The following TRIM36 variants were observed in gnomAD, a reference collection of about 807,000 sequenced individuals.
TRIM36 encodes the protein E3 ubiquitin-protein ligase TRIM36.
Under a neutral mutation model 72.4 loss-of-function variants are expected in TRIM36, and 42 were observed. The observed-to-expected ratio is 0.58, with a 90% CI of 0.45 to 0.75. TRIM36 has a LOEUF of 0.75. Among genes scored for constraint, TRIM36 ranks in the 30% least tolerant of loss-of-function variants. TRIM36 has a pLI of 0.00. For missense variants in TRIM36, 913 were observed against 857.1 expected, an observed-to-expected ratio of 1.07 and a Z score of -0.81; for synonymous variants, 315 against 282.8, an observed-to-expected ratio of 1.11 and a Z score of -1.14.
At chr5:115,155,844 G>T (rs78354666) in intron 2 of TRIM36, among the ~76,000 whole-genome samples, 1 of 152,032 alleles carries the variant, frequency 6.6e-6, no homozygotes, top group Non-Finnish European at 1.5e-5. Flanking sequence ...CAACCAAATC[G>T]GTAAAAAGGA....
chr5:115,178,924 A>G lies in TRIM36; in HGVS notation c.63+1051T>C, dbSNP rs139200554. ...GGGCATGAATCTAAAACTACTCCATATGCTATATCTGCGGCGTTGGAGTTA... is the reference window on the plus strand; with the variant it reads ...GGGCATGAATCTAAAACTACTCCATGTGCTATATCTGCGGCGTTGGAGTTA... On this transcript the variant is annotated intron_variant, in intron 1 of 9. Coordinates refer to the TRIM36 transcript ENST00000282369. 2.2e-4 allele frequency among the ~76,000 whole-genome samples: 34 copies of G among 152,220 alleles called. No individual in the cohort carries two copies. In the East Asian group the frequency reaches 6.4e-3, roughly 29 times the overall value.
At chr5:115,150,115 T>C (rs1023170562) in intron 2 of TRIM36, among the ~76,000 whole-genome samples, 12 of 152,210 alleles carry the variant, frequency 7.9e-5, no homozygotes, top group Non-Finnish European at 1.8e-4. Flanking sequence ...ATCTGTCTTA[T>C]ATTTCTTTCA....
Position 115,169,905 on chromosome 5 carries a change from C to T in TRIM36, c.-271G>A, listed in dbSNP as rs1755012489. 4 of 1,291,244 alleles carry T rather than the reference C, an allele frequency of 3.1e-6. No individual in the cohort carries two copies. The highest frequency in any genetic ancestry group is 9.8e-7 in the Non-Finnish European group (1 of 1,018,476). 80.0% of individuals were successfully genotyped at this position (1,291,244 alleles called of 1,614,324 possible). A position where few individuals can be genotyped will look rare whatever the true frequency, so the allele number is the denominator to read the frequency against. ...CGGCTGCAGCAGCGGCTCCTGCGGA[C>T]TGCGGCTGGGAACGGCGCCGCGCAG... On this transcript the variant is annotated 5_prime_UTR_variant, in exon 1 of 10. Transcript: ENST00000513154.
Position 115,149,851 on chromosome 5 carries a change from C to T in TRIM36, c.263-2457G>A, listed in dbSNP as rs564706716. Reference sequence around the variant, plus strand: ...TCGGCTCACTGCAAGCTCCGCCTCCCGGGTTCACGCCATTCTCCTGCCTCA... The same window carrying T: ...TCGGCTCACTGCAAGCTCCGCCTCCTGGGTTCACGCCATTCTCCTGCCTCA... On this transcript the variant is annotated intron_variant, in intron 2 of 9. Transcript: ENST00000513154. Among the ~76,000 whole-genome samples, 41 of 152,130 alleles carry T rather than the reference C, an allele frequency of 2.7e-4. 6 individuals are homozygous for T. In the South Asian group the frequency reaches 7.7e-3, roughly 29 times the overall value.
intron 2 of TRIM36, among the ~76,000 whole-genome samples, chr5:115,155,262 C>T (rs914410016): frequency 2.0e-4 from 31 of 152,066 alleles, no homozygotes; most frequent in African/African-American, 7.0e-4. Flanking sequence ...ACAGGAGAAT[C>T]GCTTGAACCA....
intron 2 of TRIM36, among the ~76,000 whole-genome samples, chr5:115,160,755 AG>A (rs967471140): frequency 6.6e-6 from 1 of 152,178 alleles, no homozygotes; most frequent in Admixed American, 6.5e-5. Flanking sequence ...CTGAGGCAGG[AG>A]GATCACTTGA....
At position 115,130,755 on chromosome 5, in the gene TRIM36, A is replaced by G. The variant is rs776704125; in HGVS notation, c.1633T>C (p.Tyr545His). The G allele has an allele frequency of 6.2e-7, 1 of 1,614,070 alleles. No homozygotes were observed. The highest frequency in any genetic ancestry group is 1.3e-5 in the African/African-American group (1 of 74,928). ...LAAERIQVGYYTSLDYIIGDT... is the reference protein window; with the variant it reads ...LAAERIQVGYHTSLDYIIGDT... ...CCAATGATGTAGTCTAAGCTTGTGT[A>G]ATAACCCACTTGGATGCGTTCTGCA... The change falls in exon 9 of 10, where the codon TAC becomes CAC. Residue 545 changes from tyrosine (Y) to histidine (H), a missense_variant. Tyr to His is a moderately conservative substitution (Grantham distance 83). Transcript: ENST00000513154.
At chr5:115,180,257 C>A, upstream of TRIM36, 1 of 486,380 alleles carries the variant, frequency 2.1e-6, no homozygotes, top group South Asian at 2.8e-5. Flanking sequence ...TTGCTAGGAT[C>A]CGGGTGCAGC....
intron 2 of TRIM36, among the ~76,000 whole-genome samples, chr5:115,158,899 G>A (rs934382028): frequency 1.3e-5 from 2 of 152,132 alleles, no homozygotes; most frequent in African/African-American, 4.8e-5. Flanking sequence ...TTTAAATCAA[G>A]AAATGCAGAA....
chr5:115,142,387 G>A (rs970355529), intron 4 of TRIM36, among the ~76,000 whole-genome samples: 1 of 152,142 alleles, frequency 6.6e-6, no homozygotes, highest in Non-Finnish European at 1.5e-5. Flanking sequence ...TTTTTAACTA[G>A]GGTAGCAATA....
chr5:115,166,359 C>T (rs1448328282), intron 1 of TRIM36, among the ~76,000 whole-genome samples: 1 of 152,150 alleles, frequency 6.6e-6, no homozygotes, highest in African/African-American at 2.4e-5. Flanking sequence ...CAGGTAAGAG[C>T]TACCCACTTG....
At chr5:115,148,415 CTTTTTTTTTTT>C (rs146223001) in intron 2 of TRIM36, 5 of 507,830 alleles carry the variant, frequency 9.8e-6, no homozygotes, top group African/African-American at 7.0e-5. Context: ...TAAATCTGTT[CTTTTTTTTTTT>C]TTTTTTTTTT....
At chr5:115,159,382 A>G (rs1754354940) in intron 2 of TRIM36, among the ~76,000 whole-genome samples, 1 of 152,238 alleles carries the variant, frequency 6.6e-6, no homozygotes, top group African/African-American at 2.4e-5. Flanking sequence ...AGCGGTATAA[A>G]TCATTTTCTT....
rs1753020388 is a variant in TRIM36 at position 115,137,385 on chromosome 5, T to C, written c.1063A>G (p.Thr355Ala). 1 of 1,611,262 alleles carries C rather than the reference T, an allele frequency of 6.2e-7. No individual in the cohort carries two copies. The highest frequency in any genetic ancestry group is 1.7e-5 in the Admixed American group (1 of 59,366). The change falls in exon 6 of 10, where the codon ACA (threonine) becomes GCA (alanine). Residue 355 changes from threonine (T) to alanine (A), a missense_variant. Physicochemically the swap from Thr to Ala is moderately conservative, Grantham distance 58. Transcript: ENST00000513154. ...KETDQSCFVQTAKQLHLRIQK... is the reference protein window; with the variant it reads ...KETDQSCFVQAAKQLHLRIQK... ...TACCTGAGGTGGAGCTGCTTTGCTG[T>C]CTGCACAAAGCAAGACTGATCTGTC...
chr5:115,156,208 G>T, intron 2 of TRIM36, among the ~76,000 whole-genome samples: 1 of 151,928 alleles, frequency 6.6e-6, no homozygotes, highest in African/African-American at 2.4e-5. Context: ...CGGATAGGTA[G>T]AATCAATATT....
chr5:115,133,940 G>C lies in TRIM36; in HGVS notation c.1418C>G (p.Ala473Gly). 1.9e-6 allele frequency: 3 copies of C among 1,613,570 alleles called. No individual in the cohort carries two copies. The highest frequency in any genetic ancestry group is 1.1e-5 in the South Asian group (1 of 90,970). The change falls in exon 8 of 10, where the codon GCT becomes GGT. Residue 473 changes from alanine (A) to glycine (G), a missense_variant. Transcript: ENST00000513154. ...ACCCTTGTAAGCTCTTACTCTGAAA[G>C]CATAGGTACTACTGTTTTCCAAGTC... ...IQDLENSSTYAFRVRAYKGSI... is the reference protein window; with the variant it reads ...IQDLENSSTYGFRVRAYKGSI...
At chr5:115,138,979 C>G (rs944651029) in intron 5 of TRIM36, among the ~76,000 whole-genome samples, 1 of 151,844 alleles carries the variant, frequency 6.6e-6, no homozygotes, top group Non-Finnish European at 1.5e-5. Context: ...CCACACCCTA[C>G]TAAATTTTTT....
chr5:115,166,370 G>A (rs1754775265), intron 1 of TRIM36, among the ~76,000 whole-genome samples: 1 of 152,066 alleles, frequency 6.6e-6, no homozygotes, highest in Admixed American at 6.5e-5. Flanking sequence ...TACCCACTTG[G>A]GTCTCCTCTC....
At chr5:115,159,870 A>C (rs1294543632) in intron 2 of TRIM36, among the ~76,000 whole-genome samples, 3 of 152,168 alleles carry the variant, frequency 2.0e-5, no homozygotes, top group African/African-American at 7.2e-5. Context: ...ATCTTATTAC[A>C]ATCATTGTGG....
Sources: allele counts gnomAD v4.1 joint callset (sites outside exome capture counted in the v4.1 genomes callset), GRCh38; gene constraint gnomAD v4.1.1; transcripts MANE v1.5; gene names NCBI Gene and HGNC (gene_info 2026-07-23, HGNC 2026-07-21).